The following CTSC variants were observed in gnomAD, a reference collection of about 807,000 sequenced individuals.
CTSC encodes dipeptidyl peptidase 1.
A neutral mutation model predicts 40.9 loss-of-function variants in CTSC; 37 were observed. The ratio of observed to expected loss-of-function variants is 0.91; its 90% CI spans 0.70 to 1.19. CTSC has a LOEUF of 1.19. Among genes scored for constraint, CTSC ranks in the 50% most tolerant of loss-of-function variants. CTSC has a pLI of 0.00. For missense variants in CTSC, 594 were observed against 567.3 expected (o/e 1.05, Z -0.48); for synonymous variants, 232 against 207.4 (o/e 1.12, Z -1.02).
intron 2 of CTSC, among the ~76,000 whole-genome samples, chr11:88,330,274 TG>T (rs1488441972): frequency 6.6e-6 from 1 of 152,150 alleles, no homozygotes; most frequent in Non-Finnish European, 1.5e-5. Context: ...CCCACCTGAG[TG>T]GGCCCTAAAT....
At chr11:88,329,616 C>T (rs1479338645) in intron 2 of CTSC, among the ~76,000 whole-genome samples, 9 of 152,032 alleles carry the variant, frequency 5.9e-5, no homozygotes, top group Admixed American at 5.9e-4. Context: ...GAACAAAGTA[C>T]ATAAGAGCAT....
intron 5 of CTSC, among the ~76,000 whole-genome samples, chr11:88,300,165 C>T (rs1944342601): frequency 6.6e-6 from 1 of 152,122 alleles, no homozygotes; most frequent in Admixed American, 6.5e-5. Context: ...GAACAGGTAT[C>T]AAAGAAAGAT....
At position 88,300,636 on chromosome 11, in the gene CTSC, A is replaced by C. The variant is rs1175638558; in HGVS notation, c.651T>G (p.Pro217=). The C allele has an allele frequency of 6.2e-7, 1 of 1,609,056 alleles. No homozygotes were observed. The highest frequency in any genetic ancestry group is 1.7e-5 in the Admixed American group (1 of 60,024). The change falls in exon 5 of 7, where the codon CCT becomes CCG. Residue 217 remains proline (P), a synonymous_variant. Transcript: ENST00000227266. ...GCTGTATTTCAGCAGTCAGTGGTGC[A>C]GGTTTGGGCCTAGAAAGGAAATATA... ...GHSRKIPRPK[P]APLTAEIQQK...
chr11:88,302,324 G>A (rs1311449503), intron 4 of CTSC, among the ~76,000 whole-genome samples: 1 of 152,038 alleles, frequency 6.6e-6, no homozygotes, highest in Non-Finnish European at 1.5e-5. Context: ...TATAACACAG[G>A]TTAAGAATAC....
At chr11:88,326,044 T>A in intron 2 of CTSC, 1 of 1,083,682 alleles carries the variant, frequency 9.2e-7, no homozygotes, top group Non-Finnish European at 1.1e-6. Context: ...TAGAAAAAAA[T>A]CACTGTAATA....
chr11:88,315,190 C>T (rs1048476168), intron 2 of CTSC, among the ~76,000 whole-genome samples: 1 of 151,964 alleles, frequency 6.6e-6, no homozygotes, highest in African/African-American at 2.4e-5. Context: ...GTAAGGCAGG[C>T]CAGGTAGGGT....
At chr11:88,301,562 C>G (rs1008373176) in intron 4 of CTSC, among the ~76,000 whole-genome samples, 1 of 152,088 alleles carries the variant, frequency 6.6e-6, no homozygotes, top group Admixed American at 6.6e-5. Flanking sequence ...AAGCCAAGAA[C>G]CTGGACACCC....
chr11:88,297,815 T>C (rs1006534758), intron 5 of CTSC: 2 of 152,222 alleles, frequency 1.3e-5, no homozygotes, highest in African/African-American at 4.8e-5. Flanking sequence ...CATTTATCTC[T>C]TAAGAATACT....
intron 4 of CTSC, among the ~76,000 whole-genome samples, chr11:88,304,397 T>C (rs953321266): frequency 6.6e-6 from 1 of 152,212 alleles, no homozygotes; most frequent in Non-Finnish European, 1.5e-5. Flanking sequence ...TTAAAGCAAT[T>C]ATCTGGCACA....
At chr11:88,323,932 C>T (rs1441061589) in intron 2 of CTSC, 1 of 151,924 alleles carries the variant, frequency 6.6e-6, no homozygotes, top group African/African-American at 2.4e-5. Flanking sequence ...TCATATAGAA[C>T]CAAAAAAAAG....
intron 3 of CTSC, among the ~76,000 whole-genome samples, chr11:88,311,535 T>C (rs1384445986): frequency 6.6e-6 from 1 of 152,240 alleles, no homozygotes; most frequent in Admixed American, 6.5e-5. Flanking sequence ...TAATTTGAAA[T>C]CTCCTGTTTG....
intron 3 of CTSC, 92 bp downstream of exon 3, chr11:88,312,296 G>T (rs889958515): frequency 1.6e-6 from 2 of 1,219,444 alleles, no homozygotes; most frequent in African/African-American, 1.5e-5. Flanking sequence ...AAGATATTTT[G>T]TATAATCAAA....
chr11:88,329,621 G>A (rs142993728), intron 2 of CTSC, among the ~76,000 whole-genome samples: 381 of 152,200 alleles, frequency 2.5e-3, no homozygotes, highest in Admixed American at 5.0e-3. Flanking sequence ...AAGTACATAA[G>A]AGCATAAAGA....
intron 1 of CTSC, among the ~76,000 whole-genome samples, chr11:88,336,768 A>G (rs1938507356): frequency 6.6e-6 from 1 of 151,902 alleles, no homozygotes; most frequent in Non-Finnish European, 1.5e-5. Flanking sequence ...CACCCCCTTC[A>G]CTAGGTTCTT....
intron 4 of CTSC, among the ~76,000 whole-genome samples, chr11:88,305,331 G>A (rs1937621558): frequency 6.6e-6 from 1 of 152,214 alleles, no homozygotes; most frequent in South Asian, 2.1e-4. Flanking sequence ...ATTCTTTCTT[G>A]CACAAGATCC....
Position 88,334,938 on chromosome 11 carries a change from T to C in CTSC, c.317A>G (p.Lys106Arg), listed in dbSNP as rs746159162. The change falls in exon 2 of 7, where the codon AAG (lysine) becomes AGG (arginine). Residue 106 changes from lysine to arginine, a missense_variant and splice_region_variant. By Grantham distance (26) the Lys-to-Arg change is conservative (BLOSUM62 2). Transcript: ENST00000227266. ...LNDYKWFAFFKYKEEGSKVTT... is the reference protein window; with the variant it reads ...LNDYKWFAFFRYKEEGSKVTT... ...AATCCAACTTCCAACAAAACTAACC[T>C]TAAAAAAGGCAAACCACTTGTAGTC... 6.2e-7 allele frequency: 1 copy of C among 1,611,228 alleles called. No individual in the cohort carries two copies. Among genetic ancestry groups the C allele is most frequent in the Non-Finnish European group, 8.5e-7 (1 of 1,177,552 alleles).
intron 4 of CTSC, among the ~76,000 whole-genome samples, chr11:88,308,472 A>ATTATTTTATT (rs59621344): frequency 2.7e-5 from 4 of 150,446 alleles, no homozygotes; most frequent in East Asian, 2.0e-4. Flanking sequence ...TATTTTATTT[A>ATTATTTTATT]TTATTTTATT....
At chr11:88,323,008 G>A (rs1437631040) in intron 2 of CTSC, 1 of 152,078 alleles carries the variant, frequency 6.6e-6, no homozygotes, top group East Asian at 1.9e-4. Flanking sequence ...GAACTTCGAC[G>A]CAAAAAATCT....
intron 2 of CTSC, chr11:88,326,224 G>C (rs867700583): frequency 2.1e-6 from 3 of 1,431,992 alleles, no homozygotes; most frequent in Non-Finnish European, 2.7e-6. Context: ...GTTTTCCAAG[G>C]GAGTGTTCAG....
Sources: allele counts gnomAD v4.1 joint callset (sites outside exome capture counted in the v4.1 genomes callset), GRCh38; gene constraint gnomAD v4.1.1; transcripts MANE v1.5; gene names NCBI Gene and HGNC (gene_info 2026-07-23, HGNC 2026-07-21).